The following OTUD7A variants were observed in gnomAD, a reference collection of about 807,000 sequenced individuals.
OTUD7A encodes OTU deubiquitinase 7A, also known as OTU domain-containing protein 7A.
In OTUD7A, 12 loss-of-function variants were observed where a neutral mutation model predicts 65.7. The ratio of observed to expected loss-of-function variants is 0.18; its 90% CI spans 0.12 to 0.30. The LOEUF is 0.30. Ranked by LOEUF, OTUD7A falls within the 10% of genes least tolerant of loss-of-function variation. OTUD7A has a pLI of 1.00. For synonymous variants in OTUD7A, 641 were observed against 586.3 expected (o/e 1.09, Z -1.35); for missense variants, 1,148 against 1,304.8 (o/e 0.88, Z 1.85).
chr15:31,861,801 A>G (rs1235289983), intron 1 of OTUD7A, among the ~76,000 whole-genome samples: 1 of 152,214 alleles, frequency 6.6e-6, no homozygotes, highest in African/African-American at 2.4e-5. Context: ...ACAGACAACC[A>G]GAGAGTTTTC....
intron 4 of OTUD7A, among the ~76,000 whole-genome samples, chr15:31,567,313 T>A (rs1675146434): frequency 6.6e-6 from 1 of 152,230 alleles, no homozygotes; most frequent in African/African-American, 2.4e-5. Context: ...TAGGGATCTG[T>A]GGAAGTCTGA....
intron 1 of OTUD7A, among the ~76,000 whole-genome samples, chr15:31,860,677 GTATATATATATATATATATATA>G (rs1555425282): frequency 4.1e-5 from 3 of 73,284 alleles, no homozygotes; most frequent in Admixed American, 3.7e-4. Flanking sequence ...ATGTATGTGT[GTATATATATATATATATATATA>G]TGTATGTATA....
intron 1 of OTUD7A, among the ~76,000 whole-genome samples, chr15:31,741,827 G>T (rs967615801): frequency 1.3e-5 from 2 of 151,902 alleles, no homozygotes; most frequent in African/African-American, 2.4e-5. Flanking sequence ...CAATGATGAA[G>T]ATCAGAAATT....
chr15:31,868,626 A>C (rs371334635), intron 1 of OTUD7A, among the ~76,000 whole-genome samples: 9 of 152,156 alleles, frequency 5.9e-5, no homozygotes, highest in African/African-American at 2.2e-4. Context: ...TAAATGCGGC[A>C]CCATCAGGAG....
At chr15:31,587,198 T>C (rs1889569057) in intron 3 of OTUD7A, among the ~76,000 whole-genome samples, 1 of 152,168 alleles carries the variant, frequency 6.6e-6, no homozygotes, top group African/African-American at 2.4e-5. Flanking sequence ...GATCTAATCA[T>C]AATCAAAATC....
At chr15:31,667,110 T>C (rs1327918316) in intron 1 of OTUD7A, among the ~76,000 whole-genome samples, 1 of 152,222 alleles carries the variant, frequency 6.6e-6, no homozygotes, top group East Asian at 1.9e-4. Flanking sequence ...TCCGTGGTTG[T>C]CGGATGAAAT....
At chr15:31,534,581 C>T (rs1173958536) in intron 5 of OTUD7A, among the ~76,000 whole-genome samples, 3 of 152,174 alleles carry the variant, frequency 2.0e-5, no homozygotes, top group African/African-American at 7.2e-5. Flanking sequence ...GAAATAAAAT[C>T]TGTATTCGCA....
At chr15:31,611,155 G>T (rs868201713) in intron 3 of OTUD7A, among the ~76,000 whole-genome samples, 2 of 151,940 alleles carry the variant, frequency 1.3e-5, no homozygotes, top group African/African-American at 4.8e-5. Flanking sequence ...TAGCAAAGGA[G>T]GTGCTAAGAG....
intron 1 of OTUD7A, among the ~76,000 whole-genome samples, chr15:31,825,951 T>C (rs963510628): frequency 1.3e-5 from 2 of 152,238 alleles, no homozygotes; most frequent in African/African-American, 4.8e-5. Context: ...AGAGGGGGGT[T>C]CCCATGGTCT....
chr15:31,617,686 G>C (rs1890634760), intron 3 of OTUD7A, among the ~76,000 whole-genome samples: 1 of 152,058 alleles, frequency 6.6e-6, no homozygotes, highest in African/African-American at 2.4e-5. Context: ...GGAGAAAGAA[G>C]GTGCAGTGAT....
chr15:31,863,480 C>A (rs2141019463), intron 1 of OTUD7A, among the ~76,000 whole-genome samples: 1 of 152,286 alleles, frequency 6.6e-6, no homozygotes, highest in South Asian at 2.1e-4. Context: ...AACCTTAATT[C>A]TTGACTTCTG....
intron 1 of OTUD7A, among the ~76,000 whole-genome samples, chr15:31,746,301 A>G (rs1314349604): frequency 1.3e-5 from 2 of 152,184 alleles, no homozygotes; most frequent in Non-Finnish European, 2.9e-5. Flanking sequence ...ATGTCCATCA[A>G]GAAGAGAATG....
chr15:31,641,000 T>G (rs1200982550), intron 3 of OTUD7A, among the ~76,000 whole-genome samples: 1 of 152,154 alleles, frequency 6.6e-6, no homozygotes, highest in African/African-American at 2.4e-5. Context: ...TTGTCAGACT[T>G]CTGATATAGT....
intron 1 of OTUD7A, among the ~76,000 whole-genome samples, chr15:31,794,710 C>T (rs946919386): frequency 3.9e-5 from 6 of 152,066 alleles, no homozygotes; most frequent in South Asian, 2.1e-4. Flanking sequence ...ATCCACCTCG[C>T]CCCCCAGCCC....
At chr15:31,511,067 A>G (rs200431870) in intron 8 of OTUD7A, among the ~76,000 whole-genome samples, 698 of 66,420 alleles carry the variant, frequency 0.011, 124 homozygotes, top group South Asian at 0.04. Context: ...TAACATACAT[A>G]TATATGTATA....
At chr15:31,495,731 T>A (rs2041373301) in intron 10 of OTUD7A, among the ~76,000 whole-genome samples, 1 of 152,226 alleles carries the variant, frequency 6.6e-6, no homozygotes, top group South Asian at 2.1e-4. Context: ...GGGAGACTAA[T>A]TACAAACGTA....
At chr15:31,689,435 G>A (rs558843338) in intron 1 of OTUD7A, 4 of 147,964 alleles carry the variant, frequency 2.7e-5, no homozygotes, top group African/African-American at 9.8e-5. Flanking sequence ...GCTGGAAATG[G>A]CCCATTGTTG....
chr15:31,856,228 G>T (rs1897568895), intron 1 of OTUD7A, among the ~76,000 whole-genome samples: 1 of 152,178 alleles, frequency 6.6e-6, no homozygotes, highest in Admixed American at 6.5e-5. Context: ...TTCTATGTAT[G>T]TTCCTATGTG....
At chr15:31,573,255 C>A (rs547526530) in intron 3 of OTUD7A, among the ~76,000 whole-genome samples, 1 of 152,194 alleles carries the variant, frequency 6.6e-6, no homozygotes, top group Non-Finnish European at 1.5e-5. Context: ...AAGCTTTATG[C>A]CCATCCAGTC....
Sources: gnomAD v4.1 joint callset for allele counts (sites outside exome capture counted in the v4.1 genomes callset) on GRCh38, gnomAD v4.1.1 for gene constraint, MANE v1.5 for transcripts, NCBI Gene and HGNC (gene_info 2026-07-23, HGNC 2026-07-21) for gene names.